The following RBFOX1 variants were observed in gnomAD, a reference collection of about 807,000 sequenced individuals.
RBFOX1 encodes RNA binding protein fox-1 homolog 1.
Under a neutral mutation model 57.7 loss-of-function variants are expected in RBFOX1, and 8 were observed. The observed-to-expected ratio is 0.14, with a 90% confidence interval of 0.08 to 0.25. The LOEUF is 0.25. Ranked by LOEUF, RBFOX1 falls within the 10% of genes least tolerant of loss-of-function variation. The probability of loss-of-function intolerance (pLI) is 1.00; values close to 1 mark genes in which losing one functional copy is unlikely to be tolerated. For synonymous variants in RBFOX1, 326 were observed against 222.4 expected, an observed-to-expected ratio of 1.47 and a Z score of -4.15; for missense variants, 611 against 548.5, an observed-to-expected ratio of 1.11 and a Z score of -1.14.
chr16:5,414,584 G>T (rs1475795381), intron 1 of RBFOX1, among the ~76,000 whole-genome samples: 1 of 152,150 alleles, frequency 6.6e-6, no homozygotes, highest in Non-Finnish European at 1.5e-5. Context: ...TCGTGGGTTG[G>T]TGTCCAGCTT....
chr16:6,645,542 C>G (rs992042754), intron 2 of RBFOX1, among the ~76,000 whole-genome samples: 5 of 152,272 alleles, frequency 3.3e-5, no homozygotes, highest in Non-Finnish European at 5.9e-5. Flanking sequence ...AAACAACCAA[C>G]ACACCAAGTG....
intron 3 of RBFOX1, among the ~76,000 whole-genome samples, chr16:5,856,579 A>G (rs1055514255): frequency 0.018 from 1,047 of 58,748 alleles, 56 homozygotes; most frequent in Middle Eastern, 0.058. Flanking sequence ...GTGTGTGTAT[A>G]TATATATATA....
intron 3 of RBFOX1, among the ~76,000 whole-genome samples, chr16:5,639,494 A>G (rs910547840): frequency 1.3e-5 from 2 of 152,222 alleles, no homozygotes; most frequent in African/African-American, 4.8e-5. Context: ...CACTGGGTCC[A>G]TGTTCCTACA....
At position 6,785,895 on chromosome 16, in the gene RBFOX1, G is replaced by A. The variant is rs2081877334; in HGVS notation, c.-16+131245G>A. ...GATGCTGCTCCTCAGGCTCCGCTTAGCATTTACAAAAAATGGCACTGTGAC... is the reference window on the plus strand; with the variant it reads ...GATGCTGCTCCTCAGGCTCCGCTTAACATTTACAAAAAATGGCACTGTGAC... On this transcript the variant is annotated intron_variant, in intron 3 of 15. Transcript: ENST00000550418. Among the ~76,000 whole-genome samples the A allele has an allele frequency of 3.3e-5, 5 of 152,186 alleles. No homozygotes were observed. In the South Asian group the frequency reaches 1.0e-3, roughly 32 times the overall value.
chr16:5,297,366 C>T (rs1236935264), intron 1 of RBFOX1, among the ~76,000 whole-genome samples: 2 of 152,192 alleles, frequency 1.3e-5, no homozygotes, highest in African/African-American at 2.4e-5. Context: ...ATTCCCAAGA[C>T]AGTATGCAAG....
chr16:5,570,179 C>G (rs187430587), intron 2 of RBFOX1, among the ~76,000 whole-genome samples: 34 of 152,300 alleles, frequency 2.2e-4, no homozygotes, highest in African/African-American at 7.9e-4. Context: ...TGCTCACTCT[C>G]TCTTTTTTTT....
At chr16:5,962,787 C>G (rs1465944674) in intron 4 of RBFOX1, among the ~76,000 whole-genome samples, 1 of 150,364 alleles carries the variant, frequency 6.7e-6, no homozygotes, top group Non-Finnish European at 1.5e-5. Context: ...TTCAGTAATC[C>G]AGCAGCTACG....
intron 1 of RBFOX1, among the ~76,000 whole-genome samples, chr16:6,315,432 G>C (rs2080961373): frequency 6.6e-6 from 1 of 151,138 alleles, no homozygotes; most frequent in Non-Finnish European, 1.5e-5. Flanking sequence ...GGGATGGGTG[G>C]GTAGATGGAT....
intron 4 of RBFOX1, among the ~76,000 whole-genome samples, chr16:7,512,948 T>C (rs1189787174): frequency 6.6e-6 from 1 of 152,174 alleles, no homozygotes; most frequent in Non-Finnish European, 1.5e-5. Context: ...GTGTGTGTGA[T>C]AGAGAGGGAA....
intron 2 of RBFOX1, among the ~76,000 whole-genome samples, chr16:6,527,784 C>G (rs961900575): frequency 1.3e-5 from 2 of 152,242 alleles, no homozygotes; most frequent in Non-Finnish European, 2.9e-5. Flanking sequence ...ATGGTTGCCA[C>G]TCCGAGCTGC....
At chr16:5,672,075 C>G (rs774180442) in intron 3 of RBFOX1, among the ~76,000 whole-genome samples, 1 of 152,204 alleles carries the variant, frequency 6.6e-6, no homozygotes, top group Admixed American at 6.5e-5. Context: ...CTTGGACTTG[C>G]CTGGGTTGCT....
At chr16:6,706,918 T>C (rs1228160794) in intron 3 of RBFOX1, among the ~76,000 whole-genome samples, 2 of 152,152 alleles carry the variant, frequency 1.3e-5, no homozygotes, top group Non-Finnish European at 2.9e-5. Flanking sequence ...GCTAGTTGTT[T>C]GTACAAGCTG....
intron 4 of RBFOX1, among the ~76,000 whole-genome samples, chr16:5,975,448 C>A (rs180807711): frequency 6.6e-6 from 1 of 152,286 alleles, no homozygotes; most frequent in Admixed American, 6.5e-5. Context: ...AGGGAAAAAC[C>A]GAGTGTGCTT....
intron 1 of RBFOX1, among the ~76,000 whole-genome samples, chr16:5,241,808 A>G (rs1358054579): frequency 6.6e-6 from 1 of 152,138 alleles, no homozygotes; most frequent in Non-Finnish European, 1.5e-5. Context: ...ATCACAAGAG[A>G]CAAGGTTCTT....
intron 1 of RBFOX1, among the ~76,000 whole-genome samples, chr16:5,367,597 T>C (rs1262319303): frequency 6.6e-6 from 1 of 152,252 alleles, no homozygotes; most frequent in Non-Finnish European, 1.5e-5. Context: ...ATTATCTTAC[T>C]GGTACTGGGC....
At position 7,238,864 on chromosome 16, in the gene RBFOX1, C is replaced by T. The variant is rs142439907; in HGVS notation, c.27+186766C>T. On this transcript the variant is annotated intron_variant, in intron 4 of 15. Coordinates refer to ENST00000550418, the MANE Select transcript of RBFOX1 (RefSeq NM_018723.4). ...GTGTCCACGTGTTTTTATCATTTAG[C>T]TCCCACTTATACGTGAGAACATGCA... Among the ~76,000 whole-genome samples, 1,005 of 152,278 alleles carry T rather than the reference C, an allele frequency of 6.6e-3. 8 individuals are homozygous for T. Among genetic ancestry groups the T allele is most frequent in the African/African-American group, 0.023 (946 of 41,560 alleles).
intron 4 of RBFOX1, among the ~76,000 whole-genome samples, chr16:7,208,642 C>A (rs536027139): frequency 2.0e-5 from 3 of 151,982 alleles, no homozygotes; most frequent in African/African-American, 7.3e-5. Flanking sequence ...TTCAGAGCAA[C>A]CTGGGCAACA....
chr16:7,593,302 G>T (rs562896811), intron 7 of RBFOX1, among the ~76,000 whole-genome samples: 4 of 152,208 alleles, frequency 2.6e-5, no homozygotes, highest in African/African-American at 9.6e-5. Context: ...TCTGATATGC[G>T]GCTAAGTTTG....
intron 4 of RBFOX1, among the ~76,000 whole-genome samples, chr16:7,149,646 C>A (rs2075740880): frequency 6.6e-6 from 1 of 151,936 alleles, no homozygotes; most frequent in African/African-American, 2.4e-5. Context: ...CCACCGTGCC[C>A]AGCTATATGC....
Sources: allele counts gnomAD v4.1 joint callset (sites outside exome capture counted in the v4.1 genomes callset), GRCh38; gene constraint gnomAD v4.1.1; transcripts MANE v1.5; gene names NCBI Gene and HGNC (gene_info 2026-07-23, HGNC 2026-07-21).